Variants in DST observed in about 807,000 individuals in gnomAD.
The protein encoded by DST is bullous pemphigoid antigen.
Under a neutral mutation model 875.2 loss-of-function variants are expected in DST, and 253 were observed. The observed-to-expected ratio is 0.29, with a 90% CI of 0.26 to 0.32. DST has a LOEUF of 0.32. Ranked by LOEUF, DST falls within the 10% of genes least tolerant of loss-of-function variation. The pLI, the probability that DST is intolerant of heterozygous loss-of-function variation, is 1.00. For synonymous variants in DST, 3,124 were observed against 3,197.1 expected, an observed-to-expected ratio of 0.98 and a Z score of 0.77; for missense variants, 8,287 against 9,111.6, an observed-to-expected ratio of 0.91 and a Z score of 3.68.
At position 56,759,664 on chromosome 6, in the gene DST, C is replaced by T. The variant is rs576580901; in HGVS notation, c.626-24375G>A. ...TCAGTCATTTGCATGCTGCCAGTTT[C>T]CCTTCCTGGTTTGGTGCACTAAGGG... is the stretch of plus-strand genomic sequence containing the variant. On this transcript the variant is annotated intron_variant, in intron 4 of 103. Transcript: ENST00000680361. Among the ~76,000 whole-genome samples the T allele has an allele frequency of 6.2e-4, 95 of 152,208 alleles. 1 individual carries two copies. The South Asian group carries it at 7.7e-3, about 12-fold the overall frequency.
At position 56,939,740 on chromosome 6, in the gene DST, A is replaced by C. The variant is rs2127782688; in HGVS notation, c.216+14045T>G. Among the ~76,000 whole-genome samples, 8 of 152,146 alleles carry C rather than the reference A, an allele frequency of 5.3e-5. No homozygotes were observed. The South Asian group carries it at 1.7e-3, about 32-fold the overall frequency. On this transcript the variant is annotated intron_variant, in intron 2 of 103. Transcript: ENST00000680361. ...TCTTCCAATAAAAATTATATAAATA[A>C]GCAGCCGGGCGTGGTGGCTCACGCC... is the stretch of plus-strand genomic sequence containing the variant.
intron 4 of DST, among the ~76,000 whole-genome samples, chr6:56,781,043 T>C (rs34500949): frequency 0.17 from 25,204 of 152,032 alleles, 2,302 homozygotes; most frequent in Middle Eastern, 0.21. Flanking sequence ...TGTAGATATG[T>C]GGTGTTATTT....
chr6:56,579,008 A>T, intron 49 of DST, 71 bp from the exon 50 acceptor site: 1 of 1,308,914 alleles, frequency 7.6e-7, no homozygotes, highest in Middle Eastern at 1.9e-4. Flanking sequence ...GGAAAAAATG[A>T]TTTCTAATAA....
chr6:56,655,148 G>A (rs1473240050), intron 10 of DST, among the ~76,000 whole-genome samples: 5 of 138,264 alleles, frequency 3.6e-5, no homozygotes, highest in South Asian at 4.5e-4. Flanking sequence ...GTGACAGAGC[G>A]AGACTTTGCC....
At chr6:56,760,675 G>A (rs1048861570) in intron 4 of DST, among the ~76,000 whole-genome samples, 1 of 152,184 alleles carries the variant, frequency 6.6e-6, no homozygotes, top group African/African-American at 2.4e-5. Flanking sequence ...TGTCAATATA[G>A]GAATTACTAC....
At chr6:56,596,006 C>A (rs201376565) in intron 47 of DST, among the ~76,000 whole-genome samples, 5 of 68,204 alleles carry the variant, frequency 7.3e-5, no homozygotes, top group South Asian at 3.8e-4. Flanking sequence ...GACTTTCTTT[C>A]TTTTATTTAT....
intron 49 of DST, among the ~76,000 whole-genome samples, chr6:56,584,682 G>C (rs1273691645): frequency 6.6e-6 from 1 of 151,992 alleles, no homozygotes. Context: ...AGTTTTCAAA[G>C]GGAATGCTTC....
chr6:56,853,050 G>T (rs917262467), intron 3 of DST, among the ~76,000 whole-genome samples: 1 of 151,996 alleles, frequency 6.6e-6, no homozygotes, highest in Non-Finnish European at 1.5e-5. Flanking sequence ...TTTTTTGTGG[G>T]CACATAGTAG....
intron 103 of DST, 121 bp downstream of exon 103, chr6:56,460,010 C>A: frequency 8.0e-7 from 1 of 1,243,574 alleles, no homozygotes; most frequent in Non-Finnish European, 1.1e-6. Context: ...GGCTACATAT[C>A]ATTTTAAGAC....
At position 56,459,286 on chromosome 6, in the gene DST, GA is replaced by G. The variant is rs1404759308; in HGVS notation, c.23195-20del. ...TTGGAATCTGAGGAAAGAAGGTAGA[GA>G]CAGCTCACCCTTATTATTGGGTCCA... On this transcript the variant is annotated intron_variant, in intron 103 of 103. Transcript: ENST00000680361. 1 of 1,607,234 alleles carries G rather than the reference GA, an allele frequency of 6.2e-7. No individual in the cohort carries two copies. The highest frequency in any genetic ancestry group is 2.2e-5 in the East Asian group (1 of 44,768).
chr6:56,787,887 C>T (rs2099708270), intron 4 of DST, among the ~76,000 whole-genome samples: 1 of 151,752 alleles, frequency 6.6e-6, no homozygotes, highest in Non-Finnish European at 1.5e-5. Context: ...ACCTGTAATC[C>T]CAGCACTTTG....
rs1186069348 is a variant in DST at position 56,561,431 on chromosome 6, A to G, written c.14187T>C (p.Ala4729=). Residue 4729 remains alanine (A), a synonymous_variant, in exon 57 of 104, where the codon GCT becomes GCC. Coordinates refer to ENST00000680361, the MANE Select transcript of DST (RefSeq NM_001374736.1). ...LNTKLSKLQK[A]QEESSAMMQW... is the part of the protein sequence containing the mutation. ...GCATCATTGCACTTGATTCTTCCTG[A>G]GCCTTTTGCAATTTGGAGAGTTTAG... 2 of 1,613,822 alleles carry G rather than the reference A, an allele frequency of 1.2e-6. No individual in the cohort carries two copies. Among genetic ancestry groups the G allele is most frequent in the Non-Finnish European group, 1.7e-6 (2 of 1,179,812 alleles).
Position 56,637,104 on chromosome 6 carries a change from C to CA in DST, c.2965-453dup, listed in dbSNP as rs1387809326. Among the ~76,000 whole-genome samples the CA allele has an allele frequency of 7.7e-3, 1,121 of 144,936 alleles. 10 individuals are homozygous for CA. Among genetic ancestry groups the CA allele is most frequent in the African/African-American group, 0.027 (1,018 of 37,084 alleles). On this transcript the variant is annotated intron_variant, in intron 22 of 103. Transcript: ENST00000680361. ...ACCTCAAAAAACAAAAACAAACAAA[C>CA]AAACAAAAAAAAAACAAGAAAATCA...
chr6:56,750,994 T>C (rs1258918150), intron 4 of DST, among the ~76,000 whole-genome samples: 1 of 152,182 alleles, frequency 6.6e-6, no homozygotes, highest in African/African-American at 2.4e-5. Flanking sequence ...TTACAGATTT[T>C]AAAAAGAGGC....
chr6:56,517,013 A>T (rs2096606777), intron 71 of DST, among the ~76,000 whole-genome samples, 185 bp downstream of exon 71: 1 of 152,166 alleles, frequency 6.6e-6, no homozygotes, highest in Non-Finnish European at 1.5e-5. Flanking sequence ...CCTCATAGTG[A>T]TTCTCTTAAG....
At chr6:56,642,891 A>C in intron 15 of DST, 1 of 1,584,372 alleles carries the variant, frequency 6.3e-7, no homozygotes, top group Non-Finnish European at 8.5e-7. Flanking sequence ...GTGGCAGCTG[A>C]ATATTACAGC....
chr6:56,843,074 A>G, intron 4 of DST: 1 of 1,552,148 alleles, frequency 6.4e-7, no homozygotes, highest in Non-Finnish European at 8.8e-7. Context: ...TCTCCAGGAC[A>G]TCCTCGTAGG....
At chr6:56,651,770 GTC>G in intron 10 of DST, among the ~76,000 whole-genome samples, 1 of 152,124 alleles carries the variant, frequency 6.6e-6, no homozygotes, top group South Asian at 2.1e-4. Context: ...CCTTATTTCT[GTC>G]TCTGTTTCCT....
At chr6:56,536,061 AAAC>A (rs1442619740) in intron 62 of DST, among the ~76,000 whole-genome samples, 3 of 152,258 alleles carry the variant, frequency 2.0e-5, no homozygotes, top group African/African-American at 4.8e-5. Flanking sequence ...AATCGAAAGA[AAAC>A]AACAAGAGTA....
Sources: gnomAD v4.1 joint callset for allele counts (sites outside exome capture counted in the v4.1 genomes callset) on GRCh38, gnomAD v4.1.1 for gene constraint, MANE v1.5 for transcripts, NCBI Gene and HGNC (gene_info 2026-07-23, HGNC 2026-07-21) for gene names.